Variants in FFAR4 observed in about 807,000 individuals in gnomAD.
The protein encoded by FFAR4 is G-protein coupled receptor 120.
FFAR4 carries 19 observed loss-of-function variants against 27.0 expected under a neutral mutation model. The observed-to-expected ratio is 0.70, with a 90% CI of 0.49 to 1.03. The LOEUF (loss-of-function observed/expected upper bound fraction) is 1.03. Ranked by LOEUF, FFAR4 falls within the 50% of genes least tolerant of loss-of-function variation. The pLI, the probability that FFAR4 is intolerant of heterozygous loss-of-function variation, is 0.00. For missense variants in FFAR4, 476 were observed against 479.0 expected (o/e 0.99, Z 0.06); for synonymous variants, 254 against 215.6 (o/e 1.18, Z -1.56).
intron 2 of FFAR4, chr10:93,579,337 G>A: frequency 1.3e-6 from 1 of 783,822 alleles, no homozygotes; most frequent in Non-Finnish European, 2.1e-6. Flanking sequence ...ACCCTCCCTT[G>A]TGTCCACATT....
intron 1 of FFAR4, among the ~76,000 whole-genome samples, chr10:93,568,886 C>T (rs2058115728): frequency 6.6e-6 from 1 of 152,152 alleles, no homozygotes; most frequent in Non-Finnish European, 1.5e-5. Flanking sequence ...GATCAAATAA[C>T]ATGCAAGCTT....
rs114078936 is a variant in FFAR4, at chr10:93,582,171, A to T, written c.697-5049A>T. Among the ~76,000 whole-genome samples, 824 of 152,284 alleles carry T rather than the reference A, an allele frequency of 5.4e-3. 10 individuals carry two copies. The highest frequency in any genetic ancestry group is 0.019 in the African/African-American group (782 of 41,566). ...AGGAGGAGAGGAGCCACATTTGATT[A>T]TAAAGCCCCCTTTTCTTCCTCGCAC... On this transcript the variant is annotated intron_variant, in intron 2 of 2. Coordinates refer to ENST00000371481, the MANE Select transcript of FFAR4 (RefSeq NM_001195755.2).
At chr10:93,575,389 C>G (rs1453453218) in intron 1 of FFAR4, among the ~76,000 whole-genome samples, 2 of 152,202 alleles carry the variant, frequency 1.3e-5, no homozygotes, top group Non-Finnish European at 2.9e-5. Flanking sequence ...TGTTGCAGTT[C>G]TTGCAGTTAG....
chr10:93,585,454 C>A (rs1302636561), intron 2 of FFAR4, among the ~76,000 whole-genome samples: 1 of 152,210 alleles, frequency 6.6e-6, no homozygotes, highest in Non-Finnish European at 1.5e-5. Context: ...GGCAGGGGCA[C>A]CTTTAATGAC....
At position 93,587,004 on chromosome 10, in the gene FFAR4, G is replaced by T. The variant is rs11187536; in HGVS notation, c.697-216G>T. Among the ~76,000 whole-genome samples the T allele has an allele frequency of 0.29, 44,412 of 151,936 alleles. 6,862 individuals are homozygous for T. Among genetic ancestry groups the T allele is most frequent in the African/African-American group, 0.37 (15,458 of 41,386 alleles). ...CAGGCTTTTCACTTCCCCTCATAAC[G>T]CTGTTTAGAAGGTAGGTGATTTTCT... On this transcript the variant is annotated intron_variant, in intron 2 of 2. Coordinates refer to ENST00000371481, the MANE Select transcript of FFAR4 (RefSeq NM_001195755.2).
At position 93,566,674 on chromosome 10, in the gene FFAR4, C is replaced by T. The variant is rs1372099248; in HGVS notation, c.-47C>T. The T allele has an allele frequency of 8.6e-7, 1 of 1,168,792 alleles. No homozygotes were observed. The highest frequency in any genetic ancestry group is 2.4e-5 in the Admixed American group (1 of 42,152). The allele number at this position is 1,168,792 out of a possible 1,614,324, so 72.4% of individuals were successfully genotyped here. On this transcript the variant is annotated 5_prime_UTR_variant, in exon 1 of 3. Transcript: ENST00000371481. ...CCCCGCCTTGGCACTCAGTCGCCTC[C>T]CAGATGAGCACTCTCTCAGACCGCT...
chr10:93,566,735 C>T lies in FFAR4; in HGVS notation c.15C>T (p.Cys5=), dbSNP rs758057871. Reference sequence around the variant, plus strand: ...AGGCGCCGGGAATGTCCCCTGAATGCGCGCGGGCAGCGGGCGACGCGCCCT... The same window carrying T: ...AGGCGCCGGGAATGTCCCCTGAATGTGCGCGGGCAGCGGGCGACGCGCCCT... MSPE[C]ARAAGDAPLR... is the part of the protein sequence containing the mutation. The change falls in exon 1 of 3, where the codon TGC becomes TGT. Residue 5 remains cysteine, a synonymous_variant. Coordinates refer to ENST00000371481, the MANE Select transcript of FFAR4 (RefSeq NM_001195755.2). 4 of 1,595,950 alleles carry T rather than the reference C, an allele frequency of 2.5e-6. No homozygotes were observed. The highest frequency in any genetic ancestry group is 2.2e-5 in the East Asian group (1 of 44,470).
At chr10:93,578,108 G>A (rs1020278326) in intron 2 of FFAR4, among the ~76,000 whole-genome samples, 2 of 152,050 alleles carry the variant, frequency 1.3e-5, no homozygotes, top group East Asian at 3.9e-4. Context: ...CGTAAGGGAC[G>A]AATAAGGGGT....
intron 1 of FFAR4, among the ~76,000 whole-genome samples, chr10:93,568,629 G>T (rs956455115): frequency 6.6e-6 from 1 of 152,170 alleles, no homozygotes; most frequent in African/African-American, 2.4e-5. Flanking sequence ...TGACCCTCCA[G>T]AGCCTGAGAC....
chr10:93,568,465 C>CAAGGAG (rs2058113203), intron 1 of FFAR4, among the ~76,000 whole-genome samples: 3 of 152,188 alleles, frequency 2.0e-5, no homozygotes, highest in South Asian at 2.1e-4. Flanking sequence ...ATGGGGCGCC[C>CAAGGAG]TGAGTAATCG....
intron 2 of FFAR4, among the ~76,000 whole-genome samples, chr10:93,584,320 T>C (rs2134555973): frequency 6.6e-6 from 1 of 152,264 alleles, no homozygotes. Context: ...TTTGAGACTT[T>C]TGTAATTTGT....
rs746694296 is a variant in FFAR4 at position 93,588,378 on chromosome 10, CA to C, written c.*770del. ...GAGCAATTGAAGAATTTCTAAGGAA[CA>C]GTTAAAGATGACTTACTTTTTTTTT... On this transcript the variant is annotated 3_prime_UTR_variant, in exon 3 of 3. Transcript: ENST00000371481. The C allele has an allele frequency of 6.6e-6, 1 of 150,458 alleles. No homozygotes were observed. Among genetic ancestry groups the C allele is most frequent in the Non-Finnish European group, 1.5e-5 (1 of 67,844 alleles). 9.3% of individuals were successfully genotyped at this position (150,458 alleles called of 1,614,324 possible).
intron 1 of FFAR4, among the ~76,000 whole-genome samples, chr10:93,572,194 T>C (rs1458269087): frequency 1.3e-5 from 2 of 152,144 alleles, no homozygotes; most frequent in East Asian, 1.9e-4. Flanking sequence ...AAGGGGATGA[T>C]TGCACAAGCT....
intron 1 of FFAR4, among the ~76,000 whole-genome samples, chr10:93,571,326 C>T (rs894945396): frequency 2.0e-5 from 3 of 152,176 alleles, no homozygotes; most frequent in Non-Finnish European, 4.4e-5. Context: ...CCCCTCTTGC[C>T]CCTGCCACAA....
intron 1 of FFAR4, among the ~76,000 whole-genome samples, chr10:93,570,196 A>C (rs1444293150): frequency 1.3e-5 from 2 of 151,370 alleles, no homozygotes; most frequent in Non-Finnish European, 2.9e-5. Flanking sequence ...TCTCACACAC[A>C]CACACACACA....
chr10:93,572,684 G>A (rs536543145), intron 1 of FFAR4, among the ~76,000 whole-genome samples: 1 of 152,282 alleles, frequency 6.6e-6, no homozygotes, highest in African/African-American at 2.4e-5. Context: ...TTGGAGAATG[G>A]TGGCCCTGTG....
intron 2 of FFAR4, among the ~76,000 whole-genome samples, chr10:93,576,821 C>G (rs528728421): frequency 6.6e-6 from 1 of 152,172 alleles, no homozygotes; most frequent in African/African-American, 2.4e-5. Context: ...TCCATTGTTT[C>G]CCCATCGCAA....
chr10:93,575,557 A>T (rs2058158914), intron 1 of FFAR4, among the ~76,000 whole-genome samples: 1 of 152,242 alleles, frequency 6.6e-6, no homozygotes, highest in Non-Finnish European at 1.5e-5. Context: ...ATGCAGCTCG[A>T]CACACTTTAG....
chr10:93,586,166 C>T (rs968430967), intron 2 of FFAR4, among the ~76,000 whole-genome samples: 3 of 152,242 alleles, frequency 2.0e-5, no homozygotes, highest in East Asian at 1.9e-4. Context: ...CATAATGTCA[C>T]GGGAGGAACC....
Sources: allele counts gnomAD v4.1 joint callset (sites outside exome capture counted in the v4.1 genomes callset), GRCh38; gene constraint gnomAD v4.1.1; transcripts MANE v1.5; gene names NCBI Gene and HGNC (gene_info 2026-07-23, HGNC 2026-07-21).